PADI6: variants seen among roughly 807,000 people sequenced by gnomAD.
PADI6 encodes the protein peptidyl arginine deiminase 6, also known as inactive protein-arginine deiminase type-6.
A neutral mutation model predicts 78.2 loss-of-function variants in PADI6; 66 were observed. That is an observed-to-expected ratio of 0.84 (90% confidence interval 0.69 to 1.04). PADI6 has a LOEUF of 1.04. Among genes scored for constraint, PADI6 ranks in the 50% least tolerant of loss-of-function variants. The pLI is 0.00. For missense variants in PADI6, 854 were observed against 866.1 expected (o/e 0.99, Z 0.18); for synonymous variants, 397 against 346.9 (o/e 1.14, Z -1.60).
chr1:17,394,939 TCTTC>T lies in PADI6; in HGVS notation c.1338-7_1338-4del, dbSNP rs1261588126. 6.2e-7 allele frequency: 1 copy of T among 1,600,584 alleles called. No homozygotes were observed. The highest frequency in any genetic ancestry group is 1.3e-5 in the African/African-American group (1 of 74,690). On this transcript the variant is annotated splice_polypyrimidine_tract_variant and splice_region_variant and intron_variant, in intron 11 of 15. Transcript: ENST00000619609. ...ACTGGCTCAAGAGCTGTTCTTTCCA[TCTTC>T]CTTCTAGCGCAGAGGGCCGGGCCAT...
chr1:17,391,801 C>T (rs755587691), intron 8 of PADI6, among the ~76,000 whole-genome samples: 3 of 152,140 alleles, frequency 2.0e-5, no homozygotes, highest in African/African-American at 7.2e-5. Context: ...GGTGACAGAA[C>T]GAAAGGAAGG....
intron 15 of PADI6, 34 bp downstream of exon 15, chr1:17,398,881 G>T: frequency 6.2e-7 from 1 of 1,606,258 alleles, no homozygotes; most frequent in Non-Finnish European, 8.5e-7. Flanking sequence ...GGGTGGGGGA[G>T]GGCCTGTCCA....
At chr1:17,383,246 A>C (rs1439958276) in intron 6 of PADI6, among the ~76,000 whole-genome samples, 2 of 152,240 alleles carry the variant, frequency 1.3e-5, no homozygotes, top group Admixed American at 6.5e-5. Context: ...GCCTTGGCTC[A>C]GTCTCCTACT....
chr1:17,378,088 T>A (rs2075036369), intron 3 of PADI6, among the ~76,000 whole-genome samples: 1 of 152,164 alleles, frequency 6.6e-6, no homozygotes. Context: ...CTAATGGCTC[T>A]TACCCTAGAT....
intron 6 of PADI6, among the ~76,000 whole-genome samples, chr1:17,385,366 C>T (rs1006897357): frequency 2.0e-5 from 3 of 151,954 alleles, no homozygotes; most frequent in African/African-American, 7.3e-5. Flanking sequence ...TGGGAGTGGA[C>T]AGTGTGTATA....
At chr1:17,390,523 G>GA (rs1306044637) in intron 8 of PADI6, among the ~76,000 whole-genome samples, 3 of 151,120 alleles carry the variant, frequency 2.0e-5, no homozygotes, top group African/African-American at 7.3e-5. Flanking sequence ...AGAATCTCTT[G>GA]AACCCAGAAG....
chr1:17,395,598 A>G lies in PADI6; in HGVS notation c.1553A>G (p.Gln518Arg). Reference protein sequence around the residue: ...SACYKLFREKQKEGYGDALLF... With the variant: ...SACYKLFREKRKEGYGDALLF... ...TGCTATAAACTGTTCCGAGAGAAACAGAAGGAAGGCTATGGCGACGCTCTT... is the reference window on the plus strand; with the variant it reads ...TGCTATAAACTGTTCCGAGAGAAACGGAAGGAAGGCTATGGCGACGCTCTT... Residue 518 changes from glutamine (Q) to arginine (R), a missense_variant, in exon 13 of 16, where the codon CAG (glutamine) becomes CGG (arginine). Transcript: ENST00000619609. 1 of 1,599,854 alleles carries G rather than the reference A, an allele frequency of 6.3e-7. No homozygotes were observed. Among genetic ancestry groups the G allele is most frequent in the Non-Finnish European group, 8.5e-7 (1 of 1,172,744 alleles).
rs534906954 is a variant in PADI6, at chr1:17,381,407, A to G, written c.553+243A>G. On this transcript the variant is annotated intron_variant, in intron 5 of 15. Coordinates refer to ENST00000619609, the MANE Select transcript of PADI6 (RefSeq NM_207421.4). ...GTTTCCTAGCTGTGAACTTGAGCAC[A>G]CTAACTTCCCTGATCTTGTTTCCCT... Among the ~76,000 whole-genome samples, 8 of 152,328 alleles carry G rather than the reference A, an allele frequency of 5.3e-5. No individual in the cohort carries two copies. In the South Asian group the frequency reaches 1.7e-3, roughly 32 times the overall value.
chr1:17,394,479 C>T (rs770167246), intron 11 of PADI6, 25 bp downstream of exon 11: 3 of 1,606,822 alleles, frequency 1.9e-6, no homozygotes, highest in East Asian at 2.2e-5. Context: ...CAGACGCCTC[C>T]AAATGAAAGG....
rs147445991 is a variant in PADI6, at chr1:17,382,699, G to T, written c.679+607G>T. On this transcript the variant is annotated intron_variant, in intron 6 of 15. Transcript: ENST00000619609. ...CACATCTTTTGACTTCCCTGAACTG[G>T]CTCAGGACTTGGCGTACCTCTAAAT... 2.8e-3 allele frequency among the ~76,000 whole-genome samples: 421 copies of T among 152,332 alleles called. 3 individuals are homozygous for T. The highest frequency in any genetic ancestry group is 0.025 in the South Asian group (120 of 4,822).
At chr1:17,381,843 A>G in intron 5 of PADI6, 124 bp from the exon 6 acceptor site, 1 of 1,161,604 alleles carries the variant, frequency 8.6e-7, no homozygotes, top group Non-Finnish European at 1.2e-6. Context: ...CCTGGGCCCT[A>G]GCAAAAGGCA....
chr1:17,392,452 G>A (rs946282704), intron 9 of PADI6, among the ~76,000 whole-genome samples: 10 of 152,302 alleles, frequency 6.6e-5, no homozygotes, highest in South Asian at 4.1e-4. Context: ...GAATGGACAC[G>A]TGTTCAAGAC....
chr1:17,399,427 T>G (rs1390591267), intron 15 of PADI6, among the ~76,000 whole-genome samples: 1 of 151,994 alleles, frequency 6.6e-6, no homozygotes, highest in Non-Finnish European at 1.5e-5. Flanking sequence ...GAAGAAACCC[T>G]GTCTCTAAAA....
intron 1 of PADI6, among the ~76,000 whole-genome samples, chr1:17,372,644 C>CG (rs963205821): frequency 6.6e-6 from 1 of 152,074 alleles, no homozygotes; most frequent in African/African-American, 2.4e-5. Flanking sequence ...ACGCTGGCCT[C>CG]GGGGGGCTGT....
rs759253886 is a variant in PADI6 at position 17,381,953 on chromosome 1, T to C, written c.554-14T>C. 6.2e-7 allele frequency: 1 copy of C among 1,613,616 alleles called. No individual in the cohort carries two copies. Among genetic ancestry groups the C allele is most frequent in the South Asian group, 1.1e-5 (1 of 91,072 alleles). On this transcript the variant is annotated splice_polypyrimidine_tract_variant and intron_variant, in intron 5 of 15. Coordinates refer to ENST00000619609, the MANE Select transcript of PADI6 (RefSeq NM_207421.4). ...TCCAGACATTCCTTAACCTTTGCTT[T>C]GTCTTTTGCCCAGAAATAACGAATC...
At chr1:17,390,947 C>A (rs2075176030) in intron 8 of PADI6, among the ~76,000 whole-genome samples, 1 of 152,138 alleles carries the variant, frequency 6.6e-6, no homozygotes, top group African/African-American at 2.4e-5. Context: ...GCCGACACAC[C>A]CTTCCCCCAG....
At chr1:17,382,508 C>A (rs1444731104) in intron 6 of PADI6, among the ~76,000 whole-genome samples, 2 of 152,200 alleles carry the variant, frequency 1.3e-5, no homozygotes, top group Non-Finnish European at 2.9e-5. Context: ...AATCTGAGGC[C>A]AAAACCTCTA....
chr1:17,379,917 C>CT lies in PADI6; in HGVS notation c.368-3_368-2insT, dbSNP rs2075056369. ...GCTGGGACACCCTTTTCTTCTGTTT[C>CT]AGAGGTCTCTCTAGAGGTAGACATC... is the stretch of plus-strand genomic sequence containing the variant. On this transcript the variant is annotated splice_region_variant and splice_polypyrimidine_tract_variant and intron_variant, in intron 3 of 15. Coordinates refer to ENST00000619609, the MANE Select transcript of PADI6 (RefSeq NM_207421.4). 4.3e-6 allele frequency: 7 copies of CT among 1,612,992 alleles called. No homozygotes were observed. Among genetic ancestry groups the CT allele is most frequent in the Non-Finnish European group, 5.9e-6 (7 of 1,179,274 alleles).
At chr1:17,386,056 G>A (rs1264464258) in intron 6 of PADI6, among the ~76,000 whole-genome samples, 3 of 87,122 alleles carry the variant, frequency 3.4e-5, no homozygotes, top group Non-Finnish European at 5.1e-5. Context: ...CCCCCAGGGT[G>A]GGTAGGGAGA....
Sources: allele counts gnomAD v4.1 joint callset (sites outside exome capture counted in the v4.1 genomes callset), GRCh38; gene constraint gnomAD v4.1.1; transcripts MANE v1.5; gene names NCBI Gene and HGNC (gene_info 2026-07-23, HGNC 2026-07-21).